KIF16B: variants seen among roughly 807,000 people sequenced by gnomAD.
KIF16B encodes kinesin-like protein KIF16B.
Under a neutral mutation model 156.3 loss-of-function variants are expected in KIF16B, and 98 were observed. The observed-to-expected ratio is 0.63, with a 90% CI of 0.53 to 0.74. The LOEUF is 0.74. Ranked by LOEUF, KIF16B falls within the 30% of genes least tolerant of loss-of-function variation. The pLI, the probability that KIF16B is intolerant of heterozygous loss-of-function variation, is 0.00. For synonymous variants in KIF16B, 564 were observed against 583.7 expected (o/e 0.97, Z 0.49); for missense variants, 1,421 against 1,606.5 (o/e 0.88, Z 1.97).
At chr20:16,295,439 A>G (rs1250825283) in intron 25 of KIF16B, among the ~76,000 whole-genome samples, 1 of 151,656 alleles carries the variant, frequency 6.6e-6, no homozygotes, top group Non-Finnish European at 1.5e-5. Flanking sequence ...ACACATCTAT[A>G]ATCTATATAG....
At chr20:16,433,025 C>T (rs1284551401) in intron 12 of KIF16B, among the ~76,000 whole-genome samples, 1 of 152,184 alleles carries the variant, frequency 6.6e-6, no homozygotes, top group Non-Finnish European at 1.5e-5. Flanking sequence ...GAGCACTCTC[C>T]ATAAGCTAAC....
At chr20:16,273,531 A>G in intron 25 of KIF16B, 120 bp from the exon 26 acceptor site, 1 of 734,100 alleles carries the variant, frequency 1.4e-6, no homozygotes. Context: ...TCTCTACAAA[A>G]AATAAAGAAA....
At chr20:16,479,643 T>C (rs1242811196) in intron 12 of KIF16B, among the ~76,000 whole-genome samples, 1 of 152,204 alleles carries the variant, frequency 6.6e-6, no homozygotes, top group Middle Eastern at 3.2e-3. Flanking sequence ...AGTAACCCCG[T>C]ATTTTTACTG....
chr20:16,440,753 T>C (rs1270273454), intron 12 of KIF16B, among the ~76,000 whole-genome samples: 1 of 152,264 alleles, frequency 6.6e-6, no homozygotes, highest in East Asian at 1.9e-4. Flanking sequence ...GCCCTTTTAA[T>C]GAACAGAAAC....
chr20:16,407,968 G>T (rs1420298098), intron 15 of KIF16B, among the ~76,000 whole-genome samples: 7 of 152,118 alleles, frequency 4.6e-5, no homozygotes, highest in Admixed American at 4.6e-4. Flanking sequence ...TCCCTGGGCT[G>T]CTGAGAGTTG....
chr20:16,385,337 T>G (rs1232816699), intron 17 of KIF16B, among the ~76,000 whole-genome samples: 1 of 152,114 alleles, frequency 6.6e-6, no homozygotes, highest in East Asian at 1.9e-4. Flanking sequence ...ACTTGGCAAC[T>G]GGTGGCATTT....
At chr20:16,345,334 T>C (rs2064212328) in intron 23 of KIF16B, among the ~76,000 whole-genome samples, 1 of 152,242 alleles carries the variant, frequency 6.6e-6, no homozygotes, top group African/African-American at 2.4e-5. Context: ...GTACCAAATA[T>C]TTGTTAAGCA....
chr20:16,552,551 A>AC (rs970756509), intron 1 of KIF16B, among the ~76,000 whole-genome samples: 1 of 151,698 alleles, frequency 6.6e-6, no homozygotes, highest in African/African-American at 2.4e-5. Context: ...GTTAGACCCA[A>AC]CCCCCCACCA....
chr20:16,356,286 A>G (rs1350679020), intron 23 of KIF16B, 44 bp downstream of exon 23: 2 of 1,611,956 alleles, frequency 1.2e-6, no homozygotes, highest in South Asian at 1.1e-5. Flanking sequence ...AGCACTGCAT[A>G]GTCTCCAACC....
chr20:16,527,480 T>C (rs1308179369), intron 2 of KIF16B, among the ~76,000 whole-genome samples: 2 of 152,238 alleles, frequency 1.3e-5, no homozygotes, highest in African/African-American at 2.4e-5. Context: ...TGGAGCATCA[T>C]GTCTCAGAAA....
chr20:16,310,896 T>C (rs2042869735), intron 25 of KIF16B, among the ~76,000 whole-genome samples: 1 of 152,188 alleles, frequency 6.6e-6, no homozygotes, highest in African/African-American at 2.4e-5. Flanking sequence ...TGGTTCTATA[T>C]TCAATATCTC....
rs143503908 is a variant in KIF16B at position 16,504,508 on chromosome 20, C to T, written c.1040G>A (p.Ser347Asn). 539 of 1,613,820 alleles carry T rather than the reference C, an allele frequency of 3.3e-4. No homozygotes were observed. The highest frequency in any genetic ancestry group is 4.2e-4 in the Non-Finnish European group (501 of 1,179,942). Residue 347 changes from serine to asparagine, a missense_variant, in exon 10 of 26, where the codon AGT (serine) becomes AAT (asparagine). Coordinates refer to ENST00000354981, the MANE Select transcript of KIF16B (RefSeq NM_024704.5). ...PADVNYGETL[S>N]TLRYANRAKN... ...GGCTCTATTTGCATAGCGAAGAGTA[C>T]TTAGGGTTTCTCCATAATTGACATC... is the stretch of plus-strand genomic sequence containing the variant.
chr20:16,412,363 G>A (rs982332827), intron 15 of KIF16B, among the ~76,000 whole-genome samples: 1 of 152,062 alleles, frequency 6.6e-6, no homozygotes, highest in African/African-American at 2.4e-5. Flanking sequence ...ACTGGGCACA[G>A]GCAACTCTTT....
intron 12 of KIF16B, among the ~76,000 whole-genome samples, chr20:16,473,213 C>G (rs1053092490): frequency 6.6e-6 from 1 of 152,120 alleles, no homozygotes; most frequent in African/African-American, 2.4e-5. Context: ...AGCAAGCAGG[C>G]CCCTCTACTC....
chr20:16,285,998 G>T (rs1241667085), intron 25 of KIF16B, among the ~76,000 whole-genome samples: 2 of 152,186 alleles, frequency 1.3e-5, no homozygotes, highest in African/African-American at 2.4e-5. Context: ...TTCTGAAATT[G>T]GTTGTACTAG....
intron 12 of KIF16B, among the ~76,000 whole-genome samples, chr20:16,450,620 C>G (rs1348054689): frequency 6.6e-6 from 1 of 152,192 alleles, no homozygotes; most frequent in African/African-American, 2.4e-5. Flanking sequence ...ACTGTATTGT[C>G]ACGACGTGCT....
intron 12 of KIF16B, among the ~76,000 whole-genome samples, chr20:16,432,257 A>C (rs1024806212): frequency 4.6e-5 from 7 of 152,118 alleles, no homozygotes; most frequent in Admixed American, 4.6e-4. Flanking sequence ...GGTTCAGACT[A>C]AATCATGTAC....
intron 12 of KIF16B, among the ~76,000 whole-genome samples, chr20:16,480,633 C>A (rs1164641005): frequency 6.6e-6 from 1 of 152,146 alleles, no homozygotes; most frequent in East Asian, 1.9e-4. Flanking sequence ...AGAGGTGACA[C>A]AATGCACAGA....
intron 2 of KIF16B, among the ~76,000 whole-genome samples, chr20:16,527,484 T>C (rs535202727): frequency 6.6e-6 from 1 of 152,238 alleles, no homozygotes; most frequent in Non-Finnish European, 1.5e-5. Flanking sequence ...GCATCATGTC[T>C]CAGAAACCCA....
Sources: allele counts gnomAD v4.1 joint callset (sites outside exome capture counted in the v4.1 genomes callset), GRCh38; gene constraint gnomAD v4.1.1; transcripts MANE v1.5; gene names NCBI Gene and HGNC (gene_info 2026-07-23, HGNC 2026-07-21).